CNTNAP5: variants seen among roughly 807,000 people sequenced by gnomAD.
The protein encoded by CNTNAP5 is contactin-associated protein-like 5.
CNTNAP5 carries 72 observed loss-of-function variants against 150.2 expected under a neutral mutation model. The ratio of observed to expected loss-of-function variants is 0.48; its 90% CI spans 0.40 to 0.58. The LOEUF is 0.58. CNTNAP5 is among the 20% of genes least tolerant of loss of function. The pLI is 0.00. For missense variants in CNTNAP5, 1,636 were observed against 1,626.2 expected (o/e 1.01, Z -0.10); for synonymous variants, 672 against 619.8 (o/e 1.08, Z -1.25).
At chr2:124,793,714 A>G (rs1681785821) in intron 18 of CNTNAP5, among the ~76,000 whole-genome samples, 1 of 152,122 alleles carries the variant, frequency 6.6e-6, no homozygotes, top group Non-Finnish European at 1.5e-5. Context: ...TAGGGGGTCC[A>G]GCTTTAGTCT....
At chr2:124,454,281 C>T (rs1462303293) in intron 6 of CNTNAP5, among the ~76,000 whole-genome samples, 1 of 152,088 alleles carries the variant, frequency 6.6e-6, no homozygotes, top group Admixed American at 6.6e-5. Context: ...GACTTTAAAG[C>T]AACAGCAGTT....
chr2:124,470,050 C>A (rs1693471292), intron 6 of CNTNAP5, among the ~76,000 whole-genome samples: 1 of 152,098 alleles, frequency 6.6e-6, no homozygotes, highest in Admixed American at 6.6e-5. Flanking sequence ...GTGCATGTAT[C>A]TTTATAATAG....
At chr2:124,192,904 T>A (rs1161432766) in intron 1 of CNTNAP5, among the ~76,000 whole-genome samples, 2 of 152,186 alleles carry the variant, frequency 1.3e-5, no homozygotes, top group Non-Finnish European at 2.9e-5. Context: ...GCTACAGAAA[T>A]GTATCTCATT....
chr2:124,356,792 C>T (rs1441076027), intron 3 of CNTNAP5, among the ~76,000 whole-genome samples: 1 of 151,320 alleles, frequency 6.6e-6, no homozygotes, highest in Non-Finnish European at 1.5e-5. Flanking sequence ...TTTATAGCAG[C>T]ATGATTTATA....
intron 7 of CNTNAP5, among the ~76,000 whole-genome samples, chr2:124,483,843 G>A (rs899187410): frequency 3.3e-5 from 5 of 152,348 alleles, no homozygotes; most frequent in African/African-American, 1.2e-4. Flanking sequence ...GTAGAACTCA[G>A]AGTTCACAGC....
At chr2:124,519,317 C>G (rs912870201) in intron 8 of CNTNAP5, among the ~76,000 whole-genome samples, 1 of 152,102 alleles carries the variant, frequency 6.6e-6, no homozygotes, top group Admixed American at 6.5e-5. Context: ...GGGTTTCACA[C>G]TTTAGATGAC....
At chr2:124,743,895 T>C (rs1680552953) in intron 13 of CNTNAP5, among the ~76,000 whole-genome samples, 1 of 152,214 alleles carries the variant, frequency 6.6e-6, no homozygotes, top group South Asian at 2.1e-4. Context: ...TTCTTTATGT[T>C]GTTCATTTAC....
intron 3 of CNTNAP5, among the ~76,000 whole-genome samples, chr2:124,377,064 G>C (rs1690666081): frequency 6.6e-6 from 1 of 152,082 alleles, no homozygotes; most frequent in African/African-American, 2.4e-5. Context: ...CAAAATAAAA[G>C]TCTCCAAGGA....
At chr2:124,284,573 T>G (rs1273197444) in intron 3 of CNTNAP5, among the ~76,000 whole-genome samples, 5 of 152,104 alleles carry the variant, frequency 3.3e-5, no homozygotes, top group Non-Finnish European at 5.9e-5. Context: ...TTTACCTATG[T>G]AACAAACCTG....
intron 21 of CNTNAP5, among the ~76,000 whole-genome samples, chr2:124,877,984 T>C (rs890569462): frequency 6.6e-6 from 1 of 152,066 alleles, no homozygotes; most frequent in Non-Finnish European, 1.5e-5. Flanking sequence ...GATGAGAAAA[T>C]TGAGTCACAG....
At chr2:124,702,477 T>G (rs1487514092) in intron 13 of CNTNAP5, among the ~76,000 whole-genome samples, 1 of 149,070 alleles carries the variant, frequency 6.7e-6, no homozygotes, top group Middle Eastern at 3.5e-3. Context: ...ATAGTAATCC[T>G]TTAGGGATGT....
intron 3 of CNTNAP5, among the ~76,000 whole-genome samples, chr2:124,374,768 T>G (rs192034593): frequency 6.6e-6 from 1 of 152,158 alleles, no homozygotes; most frequent in East Asian, 1.9e-4. Context: ...CAACCAGGGA[T>G]TCTTGGAGAA....
At chr2:124,758,600 C>T (rs749320755) in intron 14 of CNTNAP5, among the ~76,000 whole-genome samples, 8 of 151,690 alleles carry the variant, frequency 5.3e-5, no homozygotes, top group Non-Finnish European at 1.2e-4. Context: ...GGCCAATTGT[C>T]GTAGGTTGAG....
chr2:124,869,866 C>T, intron 21 of CNTNAP5, 104 bp downstream of exon 21: 2 of 599,102 alleles, frequency 3.3e-6, no homozygotes, highest in Non-Finnish European at 5.8e-6. Flanking sequence ...GCCTTTTGCT[C>T]CCATAATATC....
intron 1 of CNTNAP5, among the ~76,000 whole-genome samples, chr2:124,202,626 C>T (rs1040954707): frequency 6.6e-6 from 1 of 152,180 alleles, no homozygotes; most frequent in Non-Finnish European, 1.5e-5. Flanking sequence ...TTAATGGACT[C>T]ACAGTTACAC....
intron 1 of CNTNAP5, among the ~76,000 whole-genome samples, chr2:124,138,561 T>C (rs1684030250): frequency 6.6e-6 from 1 of 152,164 alleles, no homozygotes; most frequent in African/African-American, 2.4e-5. Context: ...TTCTCTACAC[T>C]TCATTACTCT....
At chr2:124,500,473 C>A (rs1273289524) in intron 7 of CNTNAP5, among the ~76,000 whole-genome samples, 1 of 152,074 alleles carries the variant, frequency 6.6e-6, no homozygotes, top group Non-Finnish European at 1.5e-5. Flanking sequence ...TACTTCTTTG[C>A]TAAACTAGCC....
intron 10 of CNTNAP5, among the ~76,000 whole-genome samples, chr2:124,552,368 G>A (rs961240257): frequency 6.6e-5 from 10 of 152,142 alleles, no homozygotes; most frequent in African/African-American, 2.4e-4. Context: ...GTGACACCAG[G>A]ACAGGCCTGG....
chr2:124,707,205 A>AAGAAGAAGAAGAAGAAGAAG (rs879641750), intron 13 of CNTNAP5, among the ~76,000 whole-genome samples: 1 of 145,256 alleles, frequency 6.9e-6, no homozygotes. Flanking sequence ...GAAGAAGAAG[A>AAGAAGAAGAAGAAGAAGAAG]ATAAACAACT....
Sources: gnomAD v4.1 joint callset for allele counts (sites outside exome capture counted in the v4.1 genomes callset) on GRCh38, gnomAD v4.1.1 for gene constraint, MANE v1.5 for transcripts, NCBI Gene and HGNC (gene_info 2026-07-23, HGNC 2026-07-21) for gene names.